CLVS1: variants seen among roughly 807,000 people sequenced by gnomAD.
The protein encoded by CLVS1 is clavesin-1.
A neutral mutation model predicts 33.1 loss-of-function variants in CLVS1; 10 were observed. That is an observed-to-expected ratio of 0.30 (90% CI 0.19 to 0.51). The LOEUF (loss-of-function observed/expected upper bound fraction) is 0.51, where lower values mean the gene tolerates loss of function less well. Among genes scored for constraint, CLVS1 ranks in the 20% least tolerant of loss-of-function variants. CLVS1 has a pLI of 0.97. For synonymous variants in CLVS1, 163 were observed against 166.1 expected (o/e 0.98, Z 0.14); for missense variants, 343 against 433.4 (o/e 0.79, Z 1.85).
At chr8:61,190,231 G>A (rs550315446) in intron 2 of CLVS1, among the ~76,000 whole-genome samples, 5 of 152,212 alleles carry the variant, frequency 3.3e-5, no homozygotes, top group South Asian at 2.1e-4. Context: ...ACTCCAAACT[G>A]CTCAACTACA....
chr8:61,028,610 G>A, the CLVS1 span, among the ~76,000 whole-genome samples: 7 of 152,166 alleles, frequency 4.6e-5, no homozygotes, highest in Admixed American at 2.6e-4. Flanking sequence ...TTCTGGTTGG[G>A]TATGGGAAGG....
chr8:61,407,367 A>G (rs1188781280), intron 3 of CLVS1, among the ~76,000 whole-genome samples: 1 of 152,254 alleles, frequency 6.6e-6, no homozygotes, highest in Non-Finnish European at 1.5e-5. Context: ...AAAAGCACAG[A>G]TATTAGTATT....
chr8:61,093,859 T>G (rs569873231), intron 1 of CLVS1, among the ~76,000 whole-genome samples: 11 of 152,326 alleles, frequency 7.2e-5, no homozygotes, highest in African/African-American at 2.4e-4. Context: ...CTATGGTGAC[T>G]GGGTTAATGG....
chr8:61,022,417 G>T, the CLVS1 span, among the ~76,000 whole-genome samples: 2 of 152,074 alleles, frequency 1.3e-5, no homozygotes, highest in East Asian at 1.9e-4. Flanking sequence ...CATGATTGTG[G>T]TTTTTTCCCT....
rs1817243060 is a variant in CLVS1 at position 61,458,438 on chromosome 8, C to A, written c.873C>A (p.Asp291Glu). Reference sequence around the variant, plus strand: ...GGGCCCGGACGTTACTCGGTCCCGACTACAGCGATGAAAATGACTATACTC... The same window carrying A: ...GGGCCCGGACGTTACTCGGTCCCGAATACAGCGATGAAAATGACTATACTC... ...GTWARTLLGP[D>E]YSDENDYTHT... The change falls in exon 5 of 6, where the codon GAC becomes GAA. Residue 291 changes from aspartate to glutamate, a missense_variant. Physicochemically the swap from Asp to Glu is conservative, Grantham distance 45 (BLOSUM62 2). Around this residue, in one of 4 missense-constraint regions of CLVS1, gnomAD observed 86 missense variants for 95.0 expected, o/e 0.91. Transcript: ENST00000325897. The A allele has an allele frequency of 6.2e-7, 1 of 1,613,934 alleles. No homozygotes were observed. The highest frequency in any genetic ancestry group is 1.7e-5 in the Admixed American group (1 of 59,996).
At chr8:61,061,781 C>G (rs1215601568) in intron 1 of CLVS1, among the ~76,000 whole-genome samples, 1 of 151,484 alleles carries the variant, frequency 6.6e-6, no homozygotes, top group Non-Finnish European at 1.5e-5. Flanking sequence ...ACAGAAAAAC[C>G]CAACCCAAAC....
chr8:61,074,889 A>G (rs543568683), intron 1 of CLVS1, among the ~76,000 whole-genome samples: 53 of 152,322 alleles, frequency 3.5e-4, no homozygotes, highest in African/African-American at 1.1e-3. Context: ...GACTACTCCC[A>G]GCTTGGATGA....
At chr8:61,176,826 C>T (rs949028110) in intron 2 of CLVS1, among the ~76,000 whole-genome samples, 4 of 152,154 alleles carry the variant, frequency 2.6e-5, no homozygotes, top group African/African-American at 9.7e-5. Flanking sequence ...CTGTGCAACC[C>T]ACAGATTGAA....
intron 3 of CLVS1, among the ~76,000 whole-genome samples, chr8:61,425,024 A>G (rs1296870984): frequency 1.3e-5 from 2 of 152,206 alleles, no homozygotes; most frequent in African/African-American, 4.8e-5. Flanking sequence ...ACCAGTATGT[A>G]ATGTAAATAT....
chr8:61,291,655 T>C (rs912125023), intron 1 of CLVS1, among the ~76,000 whole-genome samples: 1 of 152,170 alleles, frequency 6.6e-6, no homozygotes, highest in African/African-American at 2.4e-5. Flanking sequence ...TTTCACTCTT[T>C]CCTTTTTTCT....
chr8:61,104,183 CT>C (rs1477078854), intron 1 of CLVS1, among the ~76,000 whole-genome samples: 1 of 152,140 alleles, frequency 6.6e-6, no homozygotes, highest in East Asian at 1.9e-4. Context: ...AATAAAAAAG[CT>C]TTCCTTAAAA....
At chr8:61,009,223 T>C in the CLVS1 span, among the ~76,000 whole-genome samples, 1 of 152,052 alleles carries the variant, frequency 6.6e-6, no homozygotes. Flanking sequence ...TAGCCTGGAA[T>C]GCAGTGCCTC....
intron 2 of CLVS1, among the ~76,000 whole-genome samples, chr8:61,333,038 G>T (rs1283879067): frequency 6.6e-6 from 1 of 152,102 alleles, no homozygotes; most frequent in Non-Finnish European, 1.5e-5. Flanking sequence ...CCATGATTCT[G>T]TTCTTGACGA....
intron 2 of CLVS1, among the ~76,000 whole-genome samples, chr8:61,366,713 A>G (rs1585867706): frequency 6.6e-6 from 1 of 152,322 alleles, no homozygotes; most frequent in Middle Eastern, 3.4e-3. Context: ...AGGCAAATGC[A>G]TCAAACCCCC....
chr8:61,055,203 G>A (rs768084486), upstream of CLVS1, among the ~76,000 whole-genome samples: 2 of 152,196 alleles, frequency 1.3e-5, no homozygotes, highest in African/African-American at 2.4e-5. Context: ...TACAGATAGT[G>A]CATATTACTA....
chr8:61,076,853 C>G (rs904552797), intron 1 of CLVS1, among the ~76,000 whole-genome samples: 2 of 152,176 alleles, frequency 1.3e-5, no homozygotes, highest in African/African-American at 4.8e-5. Context: ...GCCAGAGTCC[C>G]TGCACCCATT....
chr8:61,303,709 C>T (rs536752151), intron 2 of CLVS1, among the ~76,000 whole-genome samples: 3 of 152,144 alleles, frequency 2.0e-5, no homozygotes, highest in African/African-American at 4.8e-5. Context: ...ATATAACTTT[C>T]GACAAGCAAC....
chr8:61,009,287 A>G, the CLVS1 span, among the ~76,000 whole-genome samples: 1 of 151,948 alleles, frequency 6.6e-6, no homozygotes. Flanking sequence ...AGCTGGGACC[A>G]CAGGCACATG....
the CLVS1 span, among the ~76,000 whole-genome samples, chr8:61,044,901 G>A: frequency 1.6e-4 from 24 of 152,216 alleles, no homozygotes; most frequent in Non-Finnish European, 2.9e-4. Flanking sequence ...ACAGACCTAT[G>A]GGAGTGGTCC....
Sources: allele counts gnomAD v4.1 joint callset (sites outside exome capture counted in the v4.1 genomes callset), GRCh38; gene constraint gnomAD v4.1.1; regional missense constraint gnomAD v4.1.1; transcripts MANE v1.5; gene names NCBI Gene and HGNC (gene_info 2026-07-23, HGNC 2026-07-21).